ZNF623: variants seen among roughly 807,000 people sequenced by gnomAD.
ZNF623 encodes the protein zinc finger protein 623.
ZNF623 carries 16 observed loss-of-function variants against 24.0 expected under a neutral mutation model. The observed-to-expected ratio is 0.67, with a 90% confidence interval of 0.45 to 1.01. ZNF623 has a LOEUF of 1.01. Ranked by LOEUF, ZNF623 falls within the 50% of genes least tolerant of loss-of-function variation. The pLI is 0.00. For synonymous variants in ZNF623, 224 were observed against 219.8 expected (o/e 1.02, Z -0.17); for missense variants, 566 against 606.5 (o/e 0.93, Z 0.70).
chr8:143,651,511 A>G lies in ZNF623; in HGVS notation c.*28A>G. ...TAATTACTTTCCCGCCCAGTGAGTG[A>G]TGTTTGGAAATGCGTGGAATTAGGA... On this transcript the variant is annotated 3_prime_UTR_variant, in exon 2 of 2. Transcript: ENST00000526926. 6 of 1,528,918 alleles carry G rather than the reference A, an allele frequency of 3.9e-6. No homozygotes were observed. The highest frequency in any genetic ancestry group is 5.3e-6 in the Non-Finnish European group (6 of 1,141,526). The allele number at this position is 1,528,918 out of a possible 1,614,324, so 94.7% of individuals were successfully genotyped here. A position where few individuals can be genotyped will look rare whatever the true frequency, so the allele number is the denominator to read the frequency against.
chr8:143,636,848 A>C (rs1587320956), intron 1 of ZNF623, among the ~76,000 whole-genome samples: 1 of 152,110 alleles, frequency 6.6e-6, no homozygotes, highest in Non-Finnish European at 1.5e-5. Context: ...TGCTTCTGTC[A>C]AGGCTGTCTT....
chr8:143,652,958 ATG>A lies in ZNF623; in HGVS notation c.*1478_*1479del, dbSNP rs1424064962. 1.2e-5 allele frequency: 2 copies of A among 167,148 alleles called. No homozygotes were observed. The highest frequency in any genetic ancestry group is 2.9e-5 in the Non-Finnish European group (2 of 68,162). 10.4% of individuals were successfully genotyped at this position (167,148 alleles called of 1,614,324 possible). The stretch of plus-strand genomic sequence containing the variant: ...GAGATCACAGTAGGGTGAGTTAAGT[ATG>A]TGCCCTCAGGTGTGAAGGAGCACAG... On this transcript the variant is annotated 3_prime_UTR_variant, in exon 2 of 2. Transcript: ENST00000526926.
In ZNF623 at chr8:143,650,082, T is replaced by A. The variant is rs769530838; in HGVS notation, c.90T>A (p.Ser30Arg). Residue 30 changes from serine (S) to arginine (R), a missense_variant, in exon 2 of 2, where the codon AGT becomes AGA. Transcript: ENST00000526926. This position sits in a 1 kb window ranked among gnomAD's most constrained non-coding sequence, Gnocchi z 5.2. ...ATCCAGAAGGTCAGAGCCTGGGGAG[T>A]TCCCCCTCTCAGGACAGGGGCTGCA... Reference protein sequence around the residue: ...LGNPEGQSLGSSPSQDRGCKQ... With the variant: ...LGNPEGQSLGRSPSQDRGCKQ... 12 of 1,613,560 alleles carry A rather than the reference T, an allele frequency of 7.4e-6. No homozygotes were observed. In the Admixed American group the frequency reaches 2.0e-4, roughly 27 times the overall value.
At chr8:143,640,988 T>C (rs1227711887) in intron 1 of ZNF623, among the ~76,000 whole-genome samples, 1 of 139,052 alleles carries the variant, frequency 7.2e-6, no homozygotes, top group Non-Finnish European at 1.5e-5. Flanking sequence ...CCTCATCCAT[T>C]CAAGTTTGAT....
At position 143,650,901 on chromosome 8, in the gene ZNF623, G is replaced by C. The variant is rs761688711; in HGVS notation, c.909G>C (p.Gly303=). ...TTCAGCATCAGAGGATCCATACTGGGGAGAGGCCTTACGTATGCAATGAGT... is the reference window on the plus strand; with the variant it reads ...TTCAGCATCAGAGGATCCATACTGGCGAGAGGCCTTACGTATGCAATGAGT... The part of the protein sequence containing the change: ...KLIQHQRIHT[G]ERPYVCNECG... The change falls in exon 2 of 2, where the codon GGG becomes GGC. Residue 303 remains glycine (G), a synonymous_variant. Transcript: ENST00000526926. This position sits in a 1 kb window ranked among gnomAD's most constrained non-coding sequence, Gnocchi z 5.2. 6.2e-7 allele frequency: 1 copy of C among 1,613,778 alleles called. No individual in the cohort carries two copies. Among genetic ancestry groups the C allele is most frequent in the Non-Finnish European group, 8.5e-7 (1 of 1,179,938 alleles).
At position 143,650,427 on chromosome 8, in the gene ZNF623, G is replaced by A. The variant is rs746559684; in HGVS notation, c.435G>A (p.Gly145=). The change falls in exon 2 of 2, where the codon GGG becomes GGA. Residue 145 remains glycine, a synonymous_variant. Coordinates refer to ENST00000526926, the MANE Select transcript of ZNF623 (RefSeq NM_001261843.2). This position sits in a 1 kb window ranked among gnomAD's most constrained non-coding sequence, Gnocchi z 5.2. The stretch of plus-strand genomic sequence containing the variant: ...GACTCTACGTCTGTAATGTGTGTGG[G>A]AAAGACTTCATTCACTATTCAGGTC... The part of the protein sequence containing the change: ...GERLYVCNVC[G]KDFIHYSGLI... The A allele has an allele frequency of 1.2e-6, 2 of 1,614,042 alleles. No homozygotes were observed. Among genetic ancestry groups the A allele is most frequent in the East Asian group, 4.5e-5 (2 of 44,888 alleles).
intron 1 of ZNF623, among the ~76,000 whole-genome samples, chr8:143,639,620 G>T (rs984343783): frequency 3.3e-5 from 5 of 152,212 alleles, no homozygotes; most frequent in Non-Finnish European, 5.9e-5. Context: ...CTCCCAAAGT[G>T]CTGTGATTAC....
chr8:143,641,442 GTTTTTTTTTTTT>G lies in ZNF623; in HGVS notation c.-96+5311_-96+5322del, dbSNP rs1156729366. ...ACCAGGAGCATTGTCAGTGAGTAGT[GTTTTTTTTTTTT>G]TTTTTTTTTTTTTCTTTTTTTTTTT... is the stretch of plus-strand genomic sequence containing the variant. On this transcript the variant is annotated intron_variant, in intron 1 of 1. Transcript: ENST00000526926. Among the ~76,000 whole-genome samples, 5 of 10,038 alleles carry G rather than the reference GTTTTTTTTTTTT, an allele frequency of 5.0e-4. 2 individuals are homozygous for G. Among genetic ancestry groups the G allele is most frequent in the African/African-American group, 8.4e-4 (5 of 5,922 alleles). The allele number at this position is 10,038 out of a possible 152,430, so 6.6% of individuals were successfully genotyped here.
At chr8:143,646,403 T>G (rs1015977891) in intron 1 of ZNF623, among the ~76,000 whole-genome samples, 3 of 152,182 alleles carry the variant, frequency 2.0e-5, no homozygotes, top group Non-Finnish European at 4.4e-5. Flanking sequence ...ATACAGCAGA[T>G]ATTGATGAAA....
intron 1 of ZNF623, among the ~76,000 whole-genome samples, chr8:143,641,446 T>TGAAAGGAATC (rs1446141502): frequency 1.1e-3 from 6 of 5,486 alleles, no homozygotes; most frequent in Non-Finnish European, 0.026. Context: ...AGTAGTGTTT[T>TGAAAGGAATC]TTTTTTTTTT....
intron 1 of ZNF623, among the ~76,000 whole-genome samples, chr8:143,636,606 C>T (rs553531817): frequency 3.2e-4 from 48 of 152,210 alleles, no homozygotes; most frequent in Admixed American, 7.8e-4. Flanking sequence ...TGCCTCCGCT[C>T]CCTGGGGCCT....
chr8:143,645,752 T>G (rs967878684), intron 1 of ZNF623, among the ~76,000 whole-genome samples: 8 of 152,184 alleles, frequency 5.3e-5, no homozygotes, highest in African/African-American at 1.9e-4. Flanking sequence ...TGAGCGAGTT[T>G]GGGTGTGTGA....
At chr8:143,645,166 GA>G (rs1815144412) in intron 1 of ZNF623, among the ~76,000 whole-genome samples, 3 of 150,346 alleles carry the variant, frequency 2.0e-5, no homozygotes, top group Non-Finnish European at 4.4e-5. Flanking sequence ...ATGGTCGGCC[GA>G]GCGTGGTGGC....
intron 1 of ZNF623, among the ~76,000 whole-genome samples, chr8:143,639,017 C>T (rs181954418): frequency 7.4e-4 from 112 of 151,230 alleles, no homozygotes; most frequent in African/African-American, 2.5e-3. Context: ...CTCAGCCTCT[C>T]GAGAAGCTGG....
At chr8:143,641,903 G>C (rs1297107549) in intron 1 of ZNF623, among the ~76,000 whole-genome samples, 3 of 152,242 alleles carry the variant, frequency 2.0e-5, no homozygotes, top group Non-Finnish European at 4.4e-5. Context: ...CAGGCAGAGT[G>C]GATTTAGCAT....
rs1175927558 is a variant in ZNF623 at position 143,650,376 on chromosome 8, G to A, written c.384G>A (p.Glu128=). The change falls in exon 2 of 2, where the codon GAG becomes GAA. Residue 128 remains glutamate (E), a synonymous_variant. Transcript: ENST00000526926. This position sits in a 1 kb window ranked among gnomAD's most constrained non-coding sequence, Gnocchi z 5.2. ...KGFGQSSHLM[E]HQRIHTGERL... ...TTGGCCAGAGCTCACACCTTATGGA[G>A]CATCAGAGAATTCACACTGGAGAGA... 1 of 1,614,156 alleles carries A rather than the reference G, an allele frequency of 6.2e-7. No homozygotes were observed. Among genetic ancestry groups the A allele is most frequent in the Non-Finnish European group, 8.5e-7 (1 of 1,180,030 alleles).
intron 1 of ZNF623, 113 bp from the exon 2 acceptor site, chr8:143,649,784 AG>A: frequency 7.4e-7 from 1 of 1,347,938 alleles, no homozygotes; most frequent in Non-Finnish European, 1.0e-6. Context: ...GGTCAGGATG[AG>A]GGGCAGAGGA....
intron 1 of ZNF623, among the ~76,000 whole-genome samples, chr8:143,649,276 TAAA>T (rs538948599): frequency 1.5e-5 from 2 of 130,892 alleles, no homozygotes. Flanking sequence ...AGACTCCATC[TAAA>T]AAAAAAAAAA....
At position 143,650,455 on chromosome 8, in the gene ZNF623, A is replaced by G. The variant is rs1393271722; in HGVS notation, c.463A>G (p.Ile155Val). 3.1e-6 allele frequency: 5 copies of G among 1,612,424 alleles called. No individual in the cohort carries two copies. Among genetic ancestry groups the G allele is most frequent in the Non-Finnish European group, 4.2e-6 (5 of 1,178,606 alleles). Residue 155 changes from isoleucine (I) to valine (V), a missense_variant, in exon 2 of 2, where the codon ATT (isoleucine) becomes GTT (valine). This residue lies in a region of ZNF623 where 313 missense variants were observed against 300.4 expected (regional missense o/e 1.04). Transcript: ENST00000526926. This position sits in a 1 kb window ranked among gnomAD's most constrained non-coding sequence, Gnocchi z 5.2. ...GKDFIHYSGL[I>V]EHQRVHSGEK... is the part of the protein sequence containing the mutation. ...AGACTTCATTCACTATTCAGGTCTCATTGAGCATCAGCGCGTTCATTCAGG... is the reference window on the plus strand; with the variant it reads ...AGACTTCATTCACTATTCAGGTCTCGTTGAGCATCAGCGCGTTCATTCAGG...
Sources: gnomAD v4.1 joint callset for allele counts (sites outside exome capture counted in the v4.1 genomes callset) on GRCh38, gnomAD v4.1.1 for gene constraint, gnomAD v4.1.1 regional missense constraint, Gnocchi (gnomAD v3.1) non-coding constraint, MANE v1.5 for transcripts, NCBI Gene and HGNC (gene_info 2026-07-23, HGNC 2026-07-21) for gene names.